Variants in UPP2 observed in about 807,000 individuals in gnomAD.
UPP2 encodes the protein UPase 2.
In UPP2, 23 loss-of-function variants were observed where a neutral mutation model predicts 26.7. The observed-to-expected ratio is 0.86, with a 90% CI of 0.62 to 1.22. UPP2 has a LOEUF of 1.22. Among genes scored for constraint, UPP2 ranks in the 50% most tolerant of loss-of-function variants. The probability of loss-of-function intolerance (pLI) is 0.00; values close to 1 mark genes in which losing one functional copy is unlikely to be tolerated. For missense variants in UPP2, 387 were observed against 396.7 expected (o/e 0.98, Z 0.21); for synonymous variants, 127 against 141.3 (o/e 0.90, Z 0.72).
chr2:158,094,508 C>T (rs1408314871), intron 3 of UPP2, among the ~76,000 whole-genome samples: 1 of 152,106 alleles, frequency 6.6e-6, no homozygotes, highest in Non-Finnish European at 1.5e-5. Context: ...TAAGGTGAAG[C>T]ATTTACAGAA....
intron 3 of UPP2, among the ~76,000 whole-genome samples, chr2:158,051,004 C>G (rs954940787): frequency 2.6e-5 from 4 of 151,972 alleles, no homozygotes; most frequent in Non-Finnish European, 4.4e-5. Context: ...ACAGAGCATG[C>G]CTGTATCAAA....
intron 3 of UPP2, among the ~76,000 whole-genome samples, chr2:158,074,276 A>G (rs1345908212): frequency 6.6e-6 from 1 of 152,236 alleles, no homozygotes; most frequent in Non-Finnish European, 1.5e-5. Flanking sequence ...AGCACAGAAT[A>G]TTATAAAACT....
chr2:158,025,201 CAAAAAAAA>C (rs60557993), intron 3 of UPP2, among the ~76,000 whole-genome samples: 1 of 78,650 alleles, frequency 1.3e-5, no homozygotes, highest in African/African-American at 4.5e-5. Context: ...GACTCCCTCT[CAAAAAAAA>C]AAAAAAAAAA....
chr2:158,095,358 T>G (rs1165898697), intron 3 of UPP2, among the ~76,000 whole-genome samples: 1 of 152,002 alleles, frequency 6.6e-6, no homozygotes, highest in Admixed American at 6.5e-5. Context: ...TATAAATGAG[T>G]TAAATCAACA....
chr2:158,007,702 C>T (rs1353700215), intron 2 of UPP2, among the ~76,000 whole-genome samples: 1 of 151,522 alleles, frequency 6.6e-6, no homozygotes, highest in Non-Finnish European at 1.5e-5. Flanking sequence ...ATCACTGCAA[C>T]CTCCACTTCC....
At chr2:158,092,159 G>A (rs985090722) in intron 3 of UPP2, among the ~76,000 whole-genome samples, 6 of 152,162 alleles carry the variant, frequency 3.9e-5, no homozygotes, top group Admixed American at 3.9e-4. Context: ...ATACATCTAA[G>A]AGGGGTGCCA....
intron 6 of UPP2, among the ~76,000 whole-genome samples, chr2:158,130,059 GAATTAC>G (rs1229000451): frequency 6.6e-6 from 1 of 152,036 alleles, no homozygotes; most frequent in African/African-American, 2.4e-5. Context: ...CAAAATGCTG[GAATTAC>G]AGGCATGAGC....
At chr2:158,009,433 A>T (rs1683542866) in intron 2 of UPP2, among the ~76,000 whole-genome samples, 1 of 152,222 alleles carries the variant, frequency 6.6e-6, no homozygotes, top group African/African-American at 2.4e-5. Flanking sequence ...TGTCCAGAAT[A>T]ACCAGAGCCA....
intron 6 of UPP2, among the ~76,000 whole-genome samples, chr2:158,130,927 A>G (rs13419905): frequency 0.45 from 68,362 of 152,096 alleles, 16,762 homozygotes; most frequent in Non-Finnish European, 0.55. Context: ...ACATGACTCT[A>G]GAAGAACAAA....
intron 3 of UPP2, among the ~76,000 whole-genome samples, chr2:158,089,588 C>A (rs1387287170): frequency 6.6e-6 from 1 of 152,200 alleles, no homozygotes; most frequent in Admixed American, 6.5e-5. Context: ...GGTCATTTCC[C>A]AGTTCCTCTG....
At chr2:158,130,474 A>AG (rs1683796257) in intron 6 of UPP2, among the ~76,000 whole-genome samples, 1 of 151,432 alleles carries the variant, frequency 6.6e-6, no homozygotes, top group Non-Finnish European at 1.5e-5. Context: ...AAAAAAAAAA[A>AG]CCACTGTGCA....
chr2:158,090,520 A>C (rs1046394090), intron 3 of UPP2, among the ~76,000 whole-genome samples: 6 of 150,616 alleles, frequency 4.0e-5, no homozygotes, highest in African/African-American at 1.2e-4. Flanking sequence ...CAAAAAACCC[A>C]AAAAACAAAC....
At chr2:158,065,071 C>T (rs142763725) in intron 3 of UPP2, among the ~76,000 whole-genome samples, 12 of 152,284 alleles carry the variant, frequency 7.9e-5, no homozygotes, top group African/African-American at 2.2e-4. Context: ...GTGAGATCGA[C>T]GCAGTAGGCC....
At chr2:158,012,911 G>T (rs1683602695) in intron 2 of UPP2, among the ~76,000 whole-genome samples, 1 of 152,020 alleles carries the variant, frequency 6.6e-6, no homozygotes, top group Admixed American at 6.5e-5. Context: ...TTTAAGTGAT[G>T]ATCTCATACC....
intron 3 of UPP2, among the ~76,000 whole-genome samples, chr2:158,078,863 T>C (rs10211094): frequency 0.74 from 111,839 of 152,038 alleles, 41,985 homozygotes; most frequent in African/African-American, 0.87. Context: ...ATGTTGCATG[T>C]CTGTACCAAA....
At chr2:158,019,785 T>C (rs554322414) in intron 3 of UPP2, among the ~76,000 whole-genome samples, 1 of 152,252 alleles carries the variant, frequency 6.6e-6, no homozygotes, top group East Asian at 1.9e-4. Flanking sequence ...CCATTTTACA[T>C]GTACATCAGT....
chr2:158,077,679 A>C (rs1287175761), intron 3 of UPP2, among the ~76,000 whole-genome samples: 6 of 152,172 alleles, frequency 3.9e-5, no homozygotes, highest in Admixed American at 3.9e-4. Flanking sequence ...TAAAACTATA[A>C]AACTGCTACA....
chr2:158,116,109 C>T (rs886898379), intron 3 of UPP2, among the ~76,000 whole-genome samples: 2 of 152,162 alleles, frequency 1.3e-5, no homozygotes, highest in Non-Finnish European at 2.9e-5. Context: ...TTGATGAAAA[C>T]CTGCGGTAAA....
At chr2:158,035,766 C>T (rs1683991276) in intron 3 of UPP2, among the ~76,000 whole-genome samples, 1 of 152,208 alleles carries the variant, frequency 6.6e-6, no homozygotes, top group South Asian at 2.1e-4. Context: ...GCACATAATT[C>T]TGCAGGGACG....
Sources: gnomAD v4.1 joint callset for allele counts (sites outside exome capture counted in the v4.1 genomes callset) on GRCh38, gnomAD v4.1.1 for gene constraint, MANE v1.5 for transcripts, NCBI Gene and HGNC (gene_info 2026-07-23, HGNC 2026-07-21) for gene names.